Variants in RCC1L observed in about 807,000 individuals in gnomAD.
The protein encoded by RCC1L is RCC1 like.
RCC1L carries 46 observed loss-of-function variants against 58.6 expected under a neutral mutation model. That is an observed-to-expected ratio of 0.79 (90% CI 0.62 to 1.00). The LOEUF (loss-of-function observed/expected upper bound fraction) is 1.00, where lower values mean the gene tolerates loss of function less well. RCC1L is among the 50% of genes least tolerant of loss of function. The pLI is 0.00. For synonymous variants in RCC1L, 281 were observed against 262.9 expected (o/e 1.07, Z -0.67); for missense variants, 636 against 623.6 (o/e 1.02, Z -0.21).
At chr7:75,061,568 T>C (rs2132000129) in intron 5 of RCC1L, among the ~76,000 whole-genome samples, 1 of 152,226 alleles carries the variant, frequency 6.6e-6, no homozygotes, top group South Asian at 2.1e-4. Context: ...CCCTTCTCCA[T>C]AACCCTTCTC....
At chr7:75,040,916 C>T (rs1398216181), downstream of RCC1L, among the ~76,000 whole-genome samples, 1 of 152,066 alleles carries the variant, frequency 6.6e-6, no homozygotes, top group African/African-American at 2.4e-5. Flanking sequence ...GTGACCATTC[C>T]ACTTTAAAGT....
At chr7:75,039,449 C>T (rs1397536623), downstream of RCC1L, among the ~76,000 whole-genome samples, 4 of 152,232 alleles carry the variant, frequency 2.6e-5, 1 homozygote, top group Admixed American at 1.3e-4. Context: ...CAAGTCATGA[C>T]AGCATCCTAT....
chr7:75,043,189 C>G, intron 10 of RCC1L, 80 bp from the exon 11 acceptor site: 1 of 1,529,932 alleles, frequency 6.5e-7, no homozygotes, highest in Non-Finnish European at 9.0e-7. Flanking sequence ...CCGACCCGGC[C>G]CTGCCTCTCA....
chr7:75,057,798 C>A lies in RCC1L; in HGVS notation c.970-182G>T, dbSNP rs1228635880. 5.9e-6 allele frequency: 4 copies of A among 679,336 alleles called. No individual in the cohort carries two copies. In the African/African-American group the frequency reaches 7.1e-5, roughly 12 times the overall value. The allele number at this position is 679,336 out of a possible 1,614,324, so 42.1% of individuals were successfully genotyped here. On this transcript the variant is annotated intron_variant, in intron 7 of 10. Transcript: ENST00000610322. ...GGGTAGAATGGGAAGCAAAAGAGGC[C>A]CAGTTTCCACCCTCAGAGAGTTCTA...
intron 9 of RCC1L, among the ~76,000 whole-genome samples, chr7:75,053,312 A>G (rs949355813): frequency 0.89 from 134,230 of 150,088 alleles, 60,124 homozygotes; most frequent in East Asian, 0.95. Context: ...GAGGTCACTG[A>G]TGCACACGGC....
chr7:75,048,910 A>AG (rs1805826844), intron 10 of RCC1L, among the ~76,000 whole-genome samples: 1 of 152,216 alleles, frequency 6.6e-6, no homozygotes, highest in Non-Finnish European at 1.5e-5. Context: ...ACTCCAACTT[A>AG]GATATGTGAC....
At chr7:75,041,587 G>A (rs587697253), downstream of RCC1L, among the ~76,000 whole-genome samples, 17 of 152,100 alleles carry the variant, frequency 1.1e-4, no homozygotes, top group South Asian at 2.1e-4. Flanking sequence ...GGCTGGGTGC[G>A]GTGGCTCACA....
intron 9 of RCC1L, chr7:75,055,677 C>G: frequency 1.7e-6 from 1 of 597,742 alleles, no homozygotes; most frequent in South Asian, 2.0e-5. Context: ...TTAGCCTACC[C>G]ACAAACCAAA....
At chr7:75,040,996 T>TC (rs1426495726), downstream of RCC1L, among the ~76,000 whole-genome samples, 366 of 152,146 alleles carry the variant, frequency 2.4e-3, 2 homozygotes, top group South Asian at 8.1e-3. Flanking sequence ...GGTGAGCGGA[T>TC]CACCTGAGGT....
intron 10 of RCC1L, among the ~76,000 whole-genome samples, chr7:75,047,951 TAAAAAAAAAAAA>T (rs1165495607): frequency 1.4e-5 from 1 of 72,160 alleles, no homozygotes; most frequent in African/African-American, 5.7e-5. Context: ...GGCCAATAAT[TAAAAAAAAAAAA>T]AAAAAAAAAA....
intron 1 of RCC1L, 45 bp downstream of exon 1, chr7:75,073,369 C>T (rs1806836902): frequency 2.2e-6 from 2 of 890,886 alleles, no homozygotes; most frequent in Non-Finnish European, 3.1e-6. Context: ...AGGCCGGGAG[C>T]GCGGAAGAGA....
At chr7:75,032,365 C>G (rs1220326804) in intron 10 of RCC1L, among the ~76,000 whole-genome samples, 2 of 152,174 alleles carry the variant, frequency 1.3e-5, no homozygotes, top group East Asian at 3.9e-4. Flanking sequence ...TTCCAGAAGC[C>G]CAGAAGCTGA....
intron 10 of RCC1L, among the ~76,000 whole-genome samples, chr7:75,044,961 G>A (rs1235380147): frequency 3.9e-5 from 6 of 152,154 alleles, no homozygotes; most frequent in Non-Finnish European, 8.8e-5. Context: ...GACAGAGGTT[G>A]CAGTGAGCCG....
At chr7:75,069,285 T>A (rs1317312719) in intron 2 of RCC1L, among the ~76,000 whole-genome samples, 3 of 152,184 alleles carry the variant, frequency 2.0e-5, no homozygotes, top group Non-Finnish European at 4.4e-5. Context: ...CTCAAACTCC[T>A]GGGCTCAAGC....
chr7:75,070,607 C>G (rs369386442), intron 2 of RCC1L, 33 bp downstream of exon 2: 81 of 1,609,998 alleles, frequency 5.0e-5, no homozygotes, highest in Non-Finnish European at 6.2e-5. Context: ...CAGACCAATC[C>G]CGGCAAAGAG....
intron 10 of RCC1L, among the ~76,000 whole-genome samples, chr7:75,049,382 CGT>C (rs1410051980): frequency 3.3e-5 from 5 of 151,888 alleles, no homozygotes; most frequent in African/African-American, 1.2e-4. Flanking sequence ...TAAAATAAGC[CGT>C]GTGTGGTGGC....
chr7:75,059,187 CA>C (rs71278503), intron 6 of RCC1L, among the ~76,000 whole-genome samples: 24,688 of 77,554 alleles, frequency 0.32, 2,534 homozygotes, highest in African/African-American at 0.5. Flanking sequence ...ATGAGACTCT[CA>C]AAAAAAAAAA....
At chr7:75,028,594 C>G (rs1003768342) in intron 10 of RCC1L, among the ~76,000 whole-genome samples, 54 of 152,230 alleles carry the variant, frequency 3.5e-4, no homozygotes, top group African/African-American at 1.2e-3. Context: ...TGGGGAGGAA[C>G]AGAGCAGTGA....
intron 10 of RCC1L, among the ~76,000 whole-genome samples, chr7:75,046,932 C>T (rs1287730872): frequency 1.3e-5 from 2 of 152,036 alleles, no homozygotes; most frequent in East Asian, 3.9e-4. Flanking sequence ...GCGCCCAGCT[C>T]TGCAGTTCAA....
Sources: gnomAD v4.1 joint callset for allele counts (sites outside exome capture counted in the v4.1 genomes callset) on GRCh38, gnomAD v4.1.1 for gene constraint, MANE v1.5 for transcripts, NCBI Gene and HGNC (gene_info 2026-07-23, HGNC 2026-07-21) for gene names.